GLRA2: variants seen among roughly 807,000 people sequenced by gnomAD.
The protein encoded by GLRA2 is glycine receptor subunit alpha-2.
GLRA2 carries 11 observed loss-of-function variants against 31.6 expected under a neutral mutation model. The ratio of observed to expected loss-of-function variants is 0.35; its 90% CI spans 0.22 to 0.58. The LOEUF (loss-of-function observed/expected upper bound fraction) is 0.58. GLRA2 is among the 20% of genes least tolerant of loss of function. The pLI, the probability that GLRA2 is intolerant of heterozygous loss-of-function variation, is 0.84. For missense variants in GLRA2, 212 were observed against 351.8 expected, an observed-to-expected ratio of 0.60 and a Z score of 3.18; for synonymous variants, 132 against 134.0, an observed-to-expected ratio of 0.99 and a Z score of 0.10.
At chrX:14,607,019 C>G in intron 5 of GLRA2, 112 bp from the exon 6 acceptor site, 1 of 491,118 alleles carries the variant, frequency 2.0e-6, no homozygotes, top group Non-Finnish European at 3.5e-6. Flanking sequence ...CTTGAATTGA[C>G]TGAGCGTATG....
chrX:14,466,846 C>T, the GLRA2 span, among the ~76,000 whole-genome samples: 37 of 112,140 alleles, frequency 3.3e-4, no homozygotes, highest in Non-Finnish European at 1.7e-4. Context: ...GAAATTACAA[C>T]GTAGAAATGC....
Position 14,670,740 on chromosome X carries a change from G to A in GLRA2, c.931-19970G>A, listed in dbSNP as rs765336391. On this transcript the variant is annotated intron_variant, in intron 7 of 8. Coordinates refer to ENST00000218075, the MANE Select transcript of GLRA2 (RefSeq NM_002063.4). Reference sequence around the variant, plus strand: ...TGGAAATTTAAGATAAGATTTGGGTGGGGACACAGCCAAACCATATCACTG... The same window carrying A: ...TGGAAATTTAAGATAAGATTTGGGTAGGGACACAGCCAAACCATATCACTG... Among the ~76,000 whole-genome samples the A allele has an allele frequency of 5.4e-5, 6 of 111,654 alleles. No individual in the cohort carries two copies. In the East Asian group the frequency reaches 1.7e-3, roughly 31 times the overall value.
the GLRA2 span, among the ~76,000 whole-genome samples, chrX:14,501,236 CTG>C: frequency 9.0e-6 from 1 of 111,129 alleles, no homozygotes; most frequent in South Asian, 3.8e-4. Flanking sequence ...AATTTCAACA[CTG>C]TTTTTTATTC....
At chrX:14,483,345 G>C in the GLRA2 span, among the ~76,000 whole-genome samples, 1 of 112,030 alleles carries the variant, frequency 8.9e-6, no homozygotes, top group African/African-American at 3.2e-5. Context: ...TCTAGATCTT[G>C]ACTGAACTAC....
intron 7 of GLRA2, among the ~76,000 whole-genome samples, chrX:14,632,531 A>G (rs2090663346): frequency 8.9e-6 from 1 of 111,960 alleles, no homozygotes; most frequent in Non-Finnish European, 1.9e-5. Flanking sequence ...TGGTATGTAC[A>G]GTAATAAATA....
the GLRA2 span, among the ~76,000 whole-genome samples, chrX:14,522,262 A>G: frequency 1.0e-3 from 116 of 112,399 alleles, no homozygotes; most frequent in African/African-American, 3.7e-3. Context: ...TTGCTTATCC[A>G]TAAGTAACAA....
chrX:14,479,796 C>G, the GLRA2 span, among the ~76,000 whole-genome samples: 6 of 111,465 alleles, frequency 5.4e-5, no homozygotes, highest in East Asian at 1.7e-3. Flanking sequence ...TAGGTTGATT[C>G]CGTATCTTTG....
At chrX:14,696,073 G>C (rs1304276768) in intron 8 of GLRA2, among the ~76,000 whole-genome samples, 3 of 109,482 alleles carry the variant, frequency 2.7e-5, no homozygotes, top group African/African-American at 1.0e-4. Flanking sequence ...CAAATGAGCA[G>C]GAAAGTGAGT....
At chrX:14,584,105 G>A (rs1366201402) in intron 4 of GLRA2, among the ~76,000 whole-genome samples, 2 of 110,953 alleles carry the variant, frequency 1.8e-5, no homozygotes, top group Non-Finnish European at 3.8e-5. Context: ...AGGGTACTAC[G>A]CTTATTGCCT....
At chrX:14,713,093 G>T (rs73437297) in intron 8 of GLRA2, among the ~76,000 whole-genome samples, 1,714 of 112,107 alleles carry the variant, frequency 0.015, 29 homozygotes, top group African/African-American at 0.051. Flanking sequence ...GATATATATA[G>T]AGAGAGAAGT....
intron 7 of GLRA2, among the ~76,000 whole-genome samples, chrX:14,630,836 T>C (rs1648848348): frequency 9.4e-6 from 1 of 106,126 alleles, no homozygotes; most frequent in Non-Finnish European, 1.9e-5. Flanking sequence ...CCTTAAGTTC[T>C]AGGGTACATG....
At chrX:14,482,837 C>A in the GLRA2 span, among the ~76,000 whole-genome samples, 14 of 110,545 alleles carry the variant, frequency 1.3e-4, no homozygotes, top group African/African-American at 4.3e-4. Context: ...GTTCACTTTC[C>A]ATATCTTATT....
intron 2 of GLRA2, among the ~76,000 whole-genome samples, chrX:14,534,630 T>A (rs1303286740): frequency 1.8e-5 from 2 of 111,170 alleles, no homozygotes; most frequent in Non-Finnish European, 3.8e-5. Flanking sequence ...AAGTACCTTA[T>A]TTTATATATA....
intron 7 of GLRA2, among the ~76,000 whole-genome samples, chrX:14,644,028 A>G (rs2023812): frequency 0.011 from 1,228 of 111,263 alleles, 13 homozygotes; most frequent in African/African-American, 0.037. Flanking sequence ...AGAGAGAAGA[A>G]TACACTTCTC....
At chrX:14,627,966 G>A (rs544562640) in intron 7 of GLRA2, among the ~76,000 whole-genome samples, 1 of 111,323 alleles carries the variant, frequency 9.0e-6, no homozygotes, top group East Asian at 2.8e-4. Context: ...GGACAAATAC[G>A]GAAATAGCAT....
At chrX:14,685,105 C>T (rs978846087) in intron 7 of GLRA2, among the ~76,000 whole-genome samples, 5 of 111,679 alleles carry the variant, frequency 4.5e-5, no homozygotes, top group East Asian at 2.8e-4. Context: ...TCCATTTATA[C>T]GCTGGATTAC....
the GLRA2 span, among the ~76,000 whole-genome samples, chrX:14,485,266 T>C: frequency 8.9e-6 from 1 of 112,455 alleles, no homozygotes; most frequent in Non-Finnish European, 1.9e-5. Flanking sequence ...TTGCCCTTTA[T>C]ATCCATGCCC....
At chrX:14,533,621 C>T in intron 2 of GLRA2, among the ~76,000 whole-genome samples, 1 of 110,483 alleles carries the variant, frequency 9.1e-6, no homozygotes, top group Non-Finnish European at 1.9e-5. Flanking sequence ...GAGTAACAAA[C>T]TGAGAACCAG....
At chrX:14,488,628 G>GAGA in the GLRA2 span, among the ~76,000 whole-genome samples, 2 of 112,167 alleles carry the variant, frequency 1.8e-5, no homozygotes, top group East Asian at 5.6e-4. Flanking sequence ...AATCCCTGAA[G>GAGA]AGAAAAAGAC....
Sources: gnomAD v4.1 joint callset for allele counts (sites outside exome capture counted in the v4.1 genomes callset) on GRCh38, gnomAD v4.1.1 for gene constraint, MANE v1.5 for transcripts, NCBI Gene and HGNC (gene_info 2026-07-23, HGNC 2026-07-21) for gene names.